The following AGBL4 variants were observed in gnomAD, a reference collection of about 807,000 sequenced individuals.
AGBL4 encodes AGBL carboxypeptidase 4.
A neutral mutation model predicts 66.4 loss-of-function variants in AGBL4; 58 were observed. That is an observed-to-expected ratio of 0.87 (90% CI 0.71 to 1.09). The LOEUF (loss-of-function observed/expected upper bound fraction) is 1.09, where lower values mean the gene tolerates loss of function less well. Among genes scored for constraint, AGBL4 ranks in the 50% least tolerant of loss-of-function variants. AGBL4 has a pLI of 0.00. For missense variants in AGBL4, 579 were observed against 631.0 expected, an observed-to-expected ratio of 0.92 and a Z score of 0.88; for synonymous variants, 234 against 222.9, an observed-to-expected ratio of 1.05 and a Z score of -0.44.
At chr1:49,659,501 A>G (rs992231171) in intron 3 of AGBL4, among the ~76,000 whole-genome samples, 1 of 152,172 alleles carries the variant, frequency 6.6e-6, no homozygotes, top group Non-Finnish European at 1.5e-5. Flanking sequence ...GTTGCAGTCC[A>G]CTTTCAGACA....
At chr1:48,742,449 C>T (rs979069048) in intron 6 of AGBL4, among the ~76,000 whole-genome samples, 5 of 151,870 alleles carry the variant, frequency 3.3e-5, no homozygotes, top group African/African-American at 1.2e-4. Context: ...GAAGAGAAAA[C>T]GCCCCAGCAA....
intron 5 of AGBL4, among the ~76,000 whole-genome samples, chr1:48,959,732 T>C (rs183315500): frequency 5.2e-4 from 79 of 152,278 alleles, no homozygotes; most frequent in African/African-American, 1.9e-3. Context: ...TACAGACCAG[T>C]GATTATGAAC....
intron 2 of AGBL4, among the ~76,000 whole-genome samples, chr1:49,770,880 T>C (rs1464836095): frequency 6.6e-6 from 1 of 152,198 alleles, no homozygotes; most frequent in Non-Finnish European, 1.5e-5. Context: ...TCTCTGATTT[T>C]ATTTATTTGG....
At chr1:49,639,049 C>T (rs997878849) in intron 3 of AGBL4, among the ~76,000 whole-genome samples, 6 of 152,078 alleles carry the variant, frequency 3.9e-5, no homozygotes, top group African/African-American at 1.4e-4. Flanking sequence ...CAATACAAAC[C>T]CAGTCATGCA....
At chr1:49,965,768 A>G (rs1259696446) in intron 1 of AGBL4, among the ~76,000 whole-genome samples, 1 of 152,214 alleles carries the variant, frequency 6.6e-6, no homozygotes, top group East Asian at 1.9e-4. Flanking sequence ...ATAACAAGGA[A>G]GTTGGGCTGC....
At chr1:48,759,078 G>A in intron 6 of AGBL4, 2 of 1,612,864 alleles carry the variant, frequency 1.2e-6, no homozygotes, top group South Asian at 1.1e-5. Context: ...GCTGCTGGTA[G>A]TTGCGCAGCA....
Position 49,020,662 on chromosome 1 carries a change from T to G in AGBL4, c.594+24922A>C, listed in dbSNP as rs528982437. On this transcript the variant is annotated intron_variant, in intron 5 of 13. Coordinates refer to ENST00000371839, the MANE Select transcript of AGBL4 (RefSeq NM_032785.4). Reference sequence around the variant, plus strand: ...TGAGCCTGAGGTAAGGGCAGCCAGATGAGCCTTTACCCACTTAGAGATAAC... The same window carrying G: ...TGAGCCTGAGGTAAGGGCAGCCAGAGGAGCCTTTACCCACTTAGAGATAAC... Among the ~76,000 whole-genome samples the G allele has an allele frequency of 2.0e-3, 305 of 152,222 alleles. 2 individuals are homozygous for G. The highest frequency in any genetic ancestry group is 7.1e-3 in the African/African-American group (293 of 41,530).
At chr1:48,985,238 A>C (rs1234432376) in intron 5 of AGBL4, among the ~76,000 whole-genome samples, 2 of 152,138 alleles carry the variant, frequency 1.3e-5, no homozygotes, top group Non-Finnish European at 2.9e-5. Context: ...GAGGGAAACC[A>C]AAGAAGAGGC....
At chr1:49,427,201 C>G (rs931981774) in intron 3 of AGBL4, among the ~76,000 whole-genome samples, 1 of 152,110 alleles carries the variant, frequency 6.6e-6, no homozygotes, top group Admixed American at 6.6e-5. Context: ...TTGACAACCA[C>G]AAGTCCTTCA....
At chr1:49,984,337 G>A (rs551114468) in intron 1 of AGBL4, among the ~76,000 whole-genome samples, 3 of 152,334 alleles carry the variant, frequency 2.0e-5, no homozygotes, top group Admixed American at 6.5e-5. Context: ...GCAGTTTACA[G>A]AGACTGCATC....
chr1:49,851,368 TAAAAG>T, intron 2 of AGBL4, 23 bp downstream of exon 2: 1 of 1,521,706 alleles, frequency 6.6e-7, no homozygotes, highest in Non-Finnish European at 8.8e-7. Flanking sequence ...CAGACAAACT[TAAAAG>T]GAAAAGCCTT....
intron 5 of AGBL4, among the ~76,000 whole-genome samples, chr1:49,000,728 G>A (rs1661337736): frequency 1.3e-5 from 2 of 152,184 alleles, no homozygotes; most frequent in South Asian, 4.1e-4. Context: ...CAACTCTAGA[G>A]TACCTGAAGT....
At chr1:48,534,815 T>G in intron 13 of AGBL4, 75 bp downstream of exon 13, 1 of 1,422,126 alleles carries the variant, frequency 7.0e-7, no homozygotes, top group Non-Finnish European at 9.7e-7. Flanking sequence ...GCTGCCAGAA[T>G]AGGTGAGATA....
At chr1:48,838,268 C>T (rs766580151) in intron 6 of AGBL4, among the ~76,000 whole-genome samples, 4 of 152,052 alleles carry the variant, frequency 2.6e-5, no homozygotes, top group Non-Finnish European at 5.9e-5. Flanking sequence ...CTGGAGGCAT[C>T]ACATTACCTG....
At chr1:49,177,603 G>A (rs1280858685) in intron 4 of AGBL4, among the ~76,000 whole-genome samples, 1 of 152,104 alleles carries the variant, frequency 6.6e-6, no homozygotes, top group African/African-American at 2.4e-5. Flanking sequence ...TCAGTGCCCA[G>A]CGTGAAGCTC....
At chr1:48,944,242 T>C (rs972681366) in intron 5 of AGBL4, among the ~76,000 whole-genome samples, 2 of 150,566 alleles carry the variant, frequency 1.3e-5, no homozygotes, top group African/African-American at 4.9e-5. Flanking sequence ...TCCCAGGGGT[T>C]AGGTGGGGCC....
chr1:49,636,850 G>T (rs972268362), intron 3 of AGBL4, among the ~76,000 whole-genome samples: 1 of 152,142 alleles, frequency 6.6e-6, no homozygotes, highest in Admixed American at 6.5e-5. Context: ...GTGTCAACTT[G>T]ATTGGATTGA....
intron 1 of AGBL4, among the ~76,000 whole-genome samples, chr1:49,910,390 G>A (rs1650695586): frequency 6.6e-6 from 1 of 152,192 alleles, no homozygotes; most frequent in Non-Finnish European, 1.5e-5. Flanking sequence ...CTTGACAAGA[G>A]CTTCAGTGGA....
At chr1:49,558,041 C>G (rs910476567) in intron 3 of AGBL4, among the ~76,000 whole-genome samples, 4 of 151,890 alleles carry the variant, frequency 2.6e-5, no homozygotes, top group African/African-American at 4.8e-5. Flanking sequence ...CAAAGAGAAC[C>G]TTCTACCTTA....
Sources: allele counts gnomAD v4.1 joint callset (sites outside exome capture counted in the v4.1 genomes callset), GRCh38; gene constraint gnomAD v4.1.1; transcripts MANE v1.5; gene names NCBI Gene and HGNC (gene_info 2026-07-23, HGNC 2026-07-21).